EFCAB14: variants seen among roughly 807,000 people sequenced by gnomAD.
EFCAB14 encodes EF-hand calcium-binding domain-containing protein 14.
EFCAB14 carries 43 observed loss-of-function variants against 56.5 expected under a neutral mutation model. The ratio of observed to expected loss-of-function variants is 0.76; its 90% CI spans 0.60 to 0.98. The LOEUF is 0.98. EFCAB14 is among the 50% of genes least tolerant of loss of function. The pLI is 0.00. For synonymous variants in EFCAB14, 235 were observed against 212.9 expected, an observed-to-expected ratio of 1.10 and a Z score of -0.90; for missense variants, 538 against 580.3, an observed-to-expected ratio of 0.93 and a Z score of 0.75.
chr1:46,717,895 C>T lies in EFCAB14; in HGVS notation c.185+8G>A. On this transcript the variant is annotated splice_region_variant and intron_variant, in intron 1 of 10. Coordinates refer to ENST00000371933, the MANE Select transcript of EFCAB14 (RefSeq NM_014774.3). ...CTTCTTCCCATTCCACCTTTCACCACTACTCACTTGGCAAAGCGAGAGCGA... is the reference window on the plus strand; with the variant it reads ...CTTCTTCCCATTCCACCTTTCACCATTACTCACTTGGCAAAGCGAGAGCGA... 6.2e-7 allele frequency: 1 copy of T among 1,612,016 alleles called. No individual in the cohort carries two copies. The highest frequency in any genetic ancestry group is 8.5e-7 in the Non-Finnish European group (1 of 1,179,116).
intron 6 of EFCAB14, 53 bp downstream of exon 6, chr1:46,689,534 T>C (rs1676956160): frequency 1.3e-6 from 2 of 1,563,618 alleles, no homozygotes; most frequent in South Asian, 2.2e-5. Flanking sequence ...ACTATTTGGC[T>C]GCCTCTGCAG....
At chr1:46,693,189 T>C (rs930218696) in intron 4 of EFCAB14, among the ~76,000 whole-genome samples, 13 of 152,198 alleles carry the variant, frequency 8.5e-5, no homozygotes, top group African/African-American at 3.1e-4. Context: ...CTTGGAGATA[T>C]AATTCAGAAG....
intron 3 of EFCAB14, among the ~76,000 whole-genome samples, chr1:46,700,113 T>A (rs1049624640): frequency 2.6e-5 from 4 of 152,214 alleles, no homozygotes; most frequent in African/African-American, 9.6e-5. Context: ...TCTGCTAAGC[T>A]GCTCCCAAAT....
In EFCAB14 at chr1:46,718,203, C is replaced by A; in HGVS notation, c.-116G>T. On this transcript the variant is annotated 5_prime_UTR_variant, in exon 1 of 11. Transcript: ENST00000371933. Reference sequence around the variant, plus strand: ...CAGGGTTGGGAATCCTGGGCCAGAGCCCCCTGGTCACTCCCACCTAGGGGT... The same window carrying A: ...CAGGGTTGGGAATCCTGGGCCAGAGACCCCTGGTCACTCCCACCTAGGGGT... The A allele has an allele frequency of 9.8e-6, 11 of 1,121,616 alleles. No homozygotes were observed. The highest frequency in any genetic ancestry group is 2.6e-5 in the Admixed American group (1 of 38,812). 69.5% of individuals were successfully genotyped at this position (1,121,616 alleles called of 1,614,324 possible). A position where few individuals can be genotyped will look rare whatever the true frequency, so the allele number is the denominator to read the frequency against.
At chr1:46,690,678 T>G (rs1330481283) in intron 5 of EFCAB14, among the ~76,000 whole-genome samples, 1 of 152,178 alleles carries the variant, frequency 6.6e-6, no homozygotes, top group Non-Finnish European at 1.5e-5. Flanking sequence ...TTTGTTACTA[T>G]GGGTCACACA....
At chr1:46,680,844 A>G (rs2148836932) in intron 10 of EFCAB14, among the ~76,000 whole-genome samples, 1 of 152,326 alleles carries the variant, frequency 6.6e-6, no homozygotes, top group South Asian at 2.1e-4. Context: ...TTACCAGTTG[A>G]TCTGTATCTT....
intron 4 of EFCAB14, among the ~76,000 whole-genome samples, chr1:46,692,535 A>T (rs535967369): frequency 2.6e-5 from 4 of 152,296 alleles, no homozygotes; most frequent in African/African-American, 4.8e-5. Flanking sequence ...TTGTTAAAAA[A>T]CTGCCCAACA....
intron 10 of EFCAB14, among the ~76,000 whole-genome samples, chr1:46,681,084 A>T (rs1676786785): frequency 6.6e-6 from 1 of 151,744 alleles, no homozygotes; most frequent in African/African-American, 2.4e-5. Flanking sequence ...TATTCTCCCG[A>T]GTAGCTGGGA....
rs763351702 is a variant in EFCAB14, at chr1:46,707,974, C to T, written c.412G>A (p.Glu138Lys). ...CCCATCTCTCCAGATTCAATCTTCT[C>T]AAGTTGTTTTTGCTTGCTGAGTAGT... Reference protein sequence around the residue: ...EELLSKQKQLEKIESGEMGLN... With the variant: ...EELLSKQKQLKKIESGEMGLN... The change falls in exon 3 of 11, where the codon GAG becomes AAG. Residue 138 changes from glutamate to lysine, a missense_variant. Transcript: ENST00000371933. 1.2e-5 allele frequency: 20 copies of T among 1,612,880 alleles called. No individual in the cohort carries two copies. The East Asian group carries it at 4.5e-4, about 36-fold the overall frequency.
At chr1:46,697,254 G>T (rs527922762) in intron 3 of EFCAB14, among the ~76,000 whole-genome samples, 2 of 152,266 alleles carry the variant, frequency 1.3e-5, no homozygotes, top group Admixed American at 1.3e-4. Flanking sequence ...TCCTGAAGGG[G>T]CTCAATAAAT....
chr1:46,684,448 C>T lies in EFCAB14; in HGVS notation c.1186+43G>A, dbSNP rs189748464. ...TGCTCCCCATGTGAGAGGCAAGCTG[C>T]TCAAGCCTCCATGAAATATTAAGAA... On this transcript the variant is annotated intron_variant, in intron 9 of 10. Transcript: ENST00000371933. The T allele has an allele frequency of 9.0e-4, 1,379 of 1,539,260 alleles. 8 individuals carry two copies. The African/African-American group carries it at 0.015, about 16-fold the overall frequency.
chr1:46,698,271 TC>T (rs1677105168), intron 3 of EFCAB14, among the ~76,000 whole-genome samples: 1 of 152,166 alleles, frequency 6.6e-6, no homozygotes, highest in African/African-American at 2.4e-5. Context: ...TTCCCTCTTT[TC>T]TTTTAGAAGG....
chr1:46,680,298 T>C (rs1676772425), intron 10 of EFCAB14, among the ~76,000 whole-genome samples: 1 of 152,134 alleles, frequency 6.6e-6, no homozygotes, highest in Non-Finnish European at 1.5e-5. Flanking sequence ...AGCCCAAAAG[T>C]GAGAACAATC....
At chr1:46,698,927 A>G (rs1254918113) in intron 3 of EFCAB14, among the ~76,000 whole-genome samples, 6 of 152,154 alleles carry the variant, frequency 3.9e-5, no homozygotes, top group Non-Finnish European at 8.8e-5. Flanking sequence ...AGAGACCAGT[A>G]AGAAGGAGAT....
At chr1:46,711,995 C>T (rs561943087) in intron 2 of EFCAB14, among the ~76,000 whole-genome samples, 9 of 152,142 alleles carry the variant, frequency 5.9e-5, no homozygotes, top group Non-Finnish European at 1.2e-4. Flanking sequence ...CAGAGGAATG[C>T]CCAAAGTGCT....
At chr1:46,713,876 A>G (rs1043086886) in intron 2 of EFCAB14, among the ~76,000 whole-genome samples, 1 of 152,210 alleles carries the variant, frequency 6.6e-6, no homozygotes, top group African/African-American at 2.4e-5. Flanking sequence ...CTTACAAAGG[A>G]AAAATTGGCC....
At chr1:46,697,842 TTC>T (rs753072329) in intron 3 of EFCAB14, among the ~76,000 whole-genome samples, 24 of 144,728 alleles carry the variant, frequency 1.7e-4, no homozygotes, top group Non-Finnish European at 2.7e-4. Flanking sequence ...ATTTTTTCCT[TTC>T]TCTCTCTCTC....
intron 3 of EFCAB14, among the ~76,000 whole-genome samples, chr1:46,707,422 T>C (rs541390370): frequency 6.6e-6 from 1 of 152,366 alleles, no homozygotes; most frequent in Admixed American, 6.5e-5. Context: ...GTTTATGTTG[T>C]ATTAGGCTTA....
At position 46,708,129 on chromosome 1, in the gene EFCAB14, G is replaced by A. The variant is rs1418553776; in HGVS notation, c.335-78C>T. On this transcript the variant is annotated intron_variant, in intron 2 of 10. Transcript: ENST00000371933. ...CCTAAGATGAAAAAATCATCAAACA[G>A]TAGGAAAGAAGATGGATTAATAAAA... is the stretch of plus-strand genomic sequence containing the variant. The A allele has an allele frequency of 5.9e-6, 8 of 1,354,212 alleles. No homozygotes were observed. The Admixed American group carries it at 2.0e-4, about 33-fold the overall frequency. 83.9% of individuals were successfully genotyped at this position (1,354,212 alleles called of 1,614,324 possible). A position where few individuals can be genotyped will look rare whatever the true frequency, so the allele number is the denominator to read the frequency against.
Sources: gnomAD v4.1 joint callset for allele counts (sites outside exome capture counted in the v4.1 genomes callset) on GRCh38, gnomAD v4.1.1 for gene constraint, MANE v1.5 for transcripts, NCBI Gene and HGNC (gene_info 2026-07-23, HGNC 2026-07-21) for gene names.